The following ACOXL variants were observed in gnomAD, a reference collection of about 807,000 sequenced individuals.
ACOXL encodes the protein acyl-CoA oxidase like.
ACOXL carries 70 observed loss-of-function variants against 71.9 expected under a neutral mutation model. The ratio of observed to expected loss-of-function variants is 0.97; its 90% CI spans 0.80 to 1.19. The LOEUF (loss-of-function observed/expected upper bound fraction) is 1.19, where lower values mean the gene tolerates loss of function less well. ACOXL is among the 50% of genes most tolerant of loss of function. ACOXL has a pLI of 0.00. For missense variants in ACOXL, 703 were observed against 736.3 expected, an observed-to-expected ratio of 0.95 and a Z score of 0.52; for synonymous variants, 253 against 281.6, an observed-to-expected ratio of 0.90 and a Z score of 1.02.
intron 11 of ACOXL, among the ~76,000 whole-genome samples, chr2:110,915,050 A>G (rs2059787911): frequency 6.6e-6 from 1 of 151,720 alleles, no homozygotes; most frequent in Non-Finnish European, 1.5e-5. Flanking sequence ...TTAAGTTATT[A>G]CTGACTATAG....
At chr2:110,907,957 T>G (rs1368565130) in intron 10 of ACOXL, among the ~76,000 whole-genome samples, 1 of 152,168 alleles carries the variant, frequency 6.6e-6, no homozygotes, top group Non-Finnish European at 1.5e-5. Context: ...CATAGCACAA[T>G]GTATGTGTGT....
intron 14 of ACOXL, among the ~76,000 whole-genome samples, chr2:111,020,834 C>G (rs2064720338): frequency 6.6e-6 from 1 of 152,114 alleles, no homozygotes; most frequent in African/African-American, 2.4e-5. Flanking sequence ...CAGTGTGTGA[C>G]CTAGAGACAG....
chr2:110,800,098 G>A (rs1001012007), intron 7 of ACOXL, among the ~76,000 whole-genome samples: 3 of 152,174 alleles, frequency 2.0e-5, no homozygotes, highest in Admixed American at 6.5e-5. Flanking sequence ...GGCAACCCGC[G>A]CTACTTGCTG....
Position 110,811,937 on chromosome 2 carries a change from A to G in ACOXL, c.753+6542A>G, listed in dbSNP as rs943603628. The stretch of plus-strand genomic sequence containing the variant: ...TTCTTGGACTTGACCACCAGAGGGC[A>G]GAAAATACCAATAATGACTTGCAGG... On this transcript the variant is annotated intron_variant, in intron 9 of 17. Coordinates refer to ENST00000439055, the MANE Select transcript of ACOXL (RefSeq NM_001142807.4). 1.1e-3 allele frequency among the ~76,000 whole-genome samples: 171 copies of G among 152,192 alleles called. 1 individual carries two copies. The highest frequency in any genetic ancestry group is 2.8e-4 in the Non-Finnish European group (19 of 68,038).
chr2:110,900,086 T>TACATACAC (rs2059167000), intron 10 of ACOXL, among the ~76,000 whole-genome samples: 1 of 143,228 alleles, frequency 7.0e-6, no homozygotes, highest in African/African-American at 2.7e-5. Flanking sequence ...CACACACACA[T>TACATACAC]ACACACACAC....
rs137982576 is a variant in ACOXL, at chr2:111,026,518, T to C, written c.1282-5109T>C. Among the ~76,000 whole-genome samples, 392 of 149,026 alleles carry C rather than the reference T, an allele frequency of 2.6e-3. 9 individuals are homozygous for C. The East Asian group carries it at 0.051, about 20-fold the overall frequency. ...CATTTTATAAAATAAAAATATATTTTATAATATAAATATAAAATATATTTT... is the reference window on the plus strand; with the variant it reads ...CATTTTATAAAATAAAAATATATTTCATAATATAAATATAAAATATATTTT... On this transcript the variant is annotated intron_variant, in intron 14 of 17. Coordinates refer to ENST00000439055, the MANE Select transcript of ACOXL (RefSeq NM_001142807.4).
intron 12 of ACOXL, among the ~76,000 whole-genome samples, chr2:110,945,862 T>C (rs1208507930): frequency 1.3e-5 from 2 of 152,206 alleles, no homozygotes; most frequent in African/African-American, 2.4e-5. Context: ...AAACTAGTTT[T>C]TTTTTTTCTA....
In ACOXL at chr2:110,805,207, T is replaced by C. The variant is rs139184283; in HGVS notation, c.621-56T>C. 1.4e-4 allele frequency: 225 copies of C among 1,601,532 alleles called. No individual in the cohort carries two copies. In the African/African-American group the frequency reaches 2.7e-3, roughly 19 times the overall value. ...TGCACATGGGAGCCACCTGACTTCG[T>C]TTCTGGTGGTGCTATGTCCTGCTTT... On this transcript the variant is annotated intron_variant, in intron 8 of 17. Coordinates refer to ENST00000439055, the MANE Select transcript of ACOXL (RefSeq NM_001142807.4).
In ACOXL at chr2:111,062,865, G is replaced by A. The variant is rs149556917; in HGVS notation, c.1440+13577G>A. Among the ~76,000 whole-genome samples, 759 of 152,090 alleles carry A rather than the reference G, an allele frequency of 5.0e-3. 10 individuals carry two copies. Among genetic ancestry groups the A allele is most frequent in the African/African-American group, 0.018 (730 of 41,484 alleles). ...CAGAAAAATAATAGGGAACAACAAC[G>A]AAACAAAGAGCTAGATCTTTTAAAA... is the stretch of plus-strand genomic sequence containing the variant. On this transcript the variant is annotated intron_variant, in intron 16 of 17. Coordinates refer to ENST00000439055, the MANE Select transcript of ACOXL (RefSeq NM_001142807.4).
Position 110,812,921 on chromosome 2 carries a change from T to A in ACOXL, c.753+7526T>A, listed in dbSNP as rs181883860. Among the ~76,000 whole-genome samples the A allele has an allele frequency of 1.2e-3, 176 of 152,228 alleles. 5 individuals carry two copies. In the East Asian group the frequency reaches 0.032, roughly 27 times the overall value. On this transcript the variant is annotated intron_variant, in intron 9 of 17. Coordinates refer to ENST00000439055, the MANE Select transcript of ACOXL (RefSeq NM_001142807.4). ...TTGGTGCTGTGTGGAGCCTCTGTGG[T>A]TACACTGGCAGGAGGGACATGTGGC...
chr2:110,886,851 G>A (rs1247571189), intron 10 of ACOXL: 2 of 1,550,726 alleles, frequency 1.3e-6, no homozygotes, highest in African/African-American at 2.7e-5. Flanking sequence ...TGTGGACCAG[G>A]CTAATTTCCT....
At chr2:110,796,343 G>C (rs1685275546) in intron 5 of ACOXL, among the ~76,000 whole-genome samples, 1 of 152,118 alleles carries the variant, frequency 6.6e-6, no homozygotes, top group South Asian at 2.1e-4. Flanking sequence ...TCTGGCCAAA[G>C]GCATCATTTT....
chr2:110,964,139 A>G (rs2061827959), intron 12 of ACOXL, among the ~76,000 whole-genome samples: 2 of 152,172 alleles, frequency 1.3e-5, no homozygotes, highest in Middle Eastern at 3.2e-3. Flanking sequence ...AAGTATGTTG[A>G]AGTCCCCATG....
intron 14 of ACOXL, among the ~76,000 whole-genome samples, chr2:111,005,340 T>C (rs1479373448): frequency 6.6e-6 from 1 of 152,224 alleles, no homozygotes; most frequent in African/African-American, 2.4e-5. Context: ...GTAAATTCTT[T>C]GGAAACAACT....
At chr2:110,895,374 C>CTATT (rs2149169831) in intron 10 of ACOXL, among the ~76,000 whole-genome samples, 1 of 151,968 alleles carries the variant, frequency 6.6e-6, no homozygotes, top group South Asian at 2.1e-4. Flanking sequence ...CAAATCTAAA[C>CTATT]AGAATATAGC....
intron 17 of ACOXL, chr2:111,114,332 G>A (rs1415398197): frequency 6.6e-6 from 1 of 152,390 alleles, no homozygotes; most frequent in Non-Finnish European, 1.5e-5. Flanking sequence ...TTATAGGAGA[G>A]TGATAATGGG....
chr2:111,117,613 C>T lies in ACOXL; in HGVS notation c.1543-3C>T. On this transcript the variant is annotated splice_polypyrimidine_tract_variant and splice_region_variant and intron_variant, in intron 17 of 17. Coordinates refer to ENST00000439055, the MANE Select transcript of ACOXL (RefSeq NM_001142807.4). ...ACCTGTCCCATTGTGTTGTGTTTTG[C>T]AGTTGCTGGATTTGTGCGACTCGGT... The T allele has an allele frequency of 6.4e-7, 1 of 1,551,738 alleles. No individual in the cohort carries two copies. Among genetic ancestry groups the T allele is most frequent in the Non-Finnish European group, 8.7e-7 (1 of 1,146,998 alleles).
intron 1 of ACOXL, among the ~76,000 whole-genome samples, chr2:110,738,938 A>G (rs1677184483): frequency 6.6e-6 from 1 of 151,870 alleles, no homozygotes; most frequent in African/African-American, 2.4e-5. Context: ...CATATTTTTA[A>G]TTTTCAAAAG....
intron 12 of ACOXL, among the ~76,000 whole-genome samples, chr2:110,971,799 A>G (rs2062201149): frequency 6.6e-6 from 1 of 152,204 alleles, no homozygotes; most frequent in South Asian, 2.1e-4. Flanking sequence ...TCCTGCTTAA[A>G]TGTCGTATCA....
Sources: allele counts gnomAD v4.1 joint callset (sites outside exome capture counted in the v4.1 genomes callset), GRCh38; gene constraint gnomAD v4.1.1; transcripts MANE v1.5; gene names NCBI Gene and HGNC (gene_info 2026-07-23, HGNC 2026-07-21).